Variants in MAGI2 observed in about 807,000 individuals in gnomAD.
MAGI2 encodes the protein membrane associated guanylate kinase, WW and PDZ domain containing 2.
Under a neutral mutation model 133.3 loss-of-function variants are expected in MAGI2, and 35 were observed. The ratio of observed to expected loss-of-function variants is 0.26; its 90% CI spans 0.20 to 0.35. The LOEUF (loss-of-function observed/expected upper bound fraction) is 0.35, where lower values mean the gene tolerates loss of function less well. Ranked by LOEUF, MAGI2 falls within the 10% of genes least tolerant of loss-of-function variation. The pLI is 1.00. For missense variants in MAGI2, 1,636 were observed against 1,863.4 expected, an observed-to-expected ratio of 0.88 and a Z score of 2.25; for synonymous variants, 729 against 710.6, an observed-to-expected ratio of 1.03 and a Z score of -0.41.
At chr7:79,289,485 TTAAG>T (rs1236127575) in intron 1 of MAGI2, among the ~76,000 whole-genome samples, 1 of 152,124 alleles carries the variant, frequency 6.6e-6, no homozygotes. Flanking sequence ...GTAAAATCAA[TTAAG>T]TAACAGATGA....
At chr7:78,581,467 T>C (rs536827171) in intron 3 of MAGI2, among the ~76,000 whole-genome samples, 2 of 152,314 alleles carry the variant, frequency 1.3e-5, no homozygotes, top group African/African-American at 4.8e-5. Flanking sequence ...GGTTAGAACT[T>C]TGACTGTAAA....
chr7:78,860,220 G>A (rs916019968), intron 2 of MAGI2, among the ~76,000 whole-genome samples: 2 of 152,112 alleles, frequency 1.3e-5, no homozygotes, highest in South Asian at 2.1e-4. Flanking sequence ...TGTTATTACC[G>A]ATCATCTGAA....
At chr7:78,298,329 T>TTAAG (rs1443307269) in intron 9 of MAGI2, among the ~76,000 whole-genome samples, 2 of 152,234 alleles carry the variant, frequency 1.3e-5, no homozygotes, top group Admixed American at 6.5e-5. Flanking sequence ...AAAAAGAACA[T>TTAAG]TAAGTAAAAA....
chr7:78,422,436 G>A (rs916274663), intron 6 of MAGI2, among the ~76,000 whole-genome samples: 1 of 152,058 alleles, frequency 6.6e-6, no homozygotes, highest in African/African-American at 2.4e-5. Context: ...CTACAAAACA[G>A]GCAAACACTT....
At chr7:78,907,679 G>A (rs910828734) in intron 2 of MAGI2, among the ~76,000 whole-genome samples, 3 of 151,990 alleles carry the variant, frequency 2.0e-5, no homozygotes, top group Non-Finnish European at 4.4e-5. Flanking sequence ...TAAAATCTAA[G>A]TATATTCATT....
rs1283006294 is a variant in MAGI2 at position 78,345,836 on chromosome 7, G to A, written c.1225+86C>T. On this transcript the variant is annotated intron_variant, in intron 8 of 21. Coordinates refer to ENST00000354212, the MANE Select transcript of MAGI2 (RefSeq NM_012301.4). ...GAAAGCAAATCAATTTTTCAAAATG[G>A]TCCAAGCTACAGACATATTTGGAAG... The A allele has an allele frequency of 3.9e-6, 6 of 1,555,416 alleles. No individual in the cohort carries two copies. The African/African-American group carries it at 6.9e-5, about 18-fold the overall frequency.
chr7:79,229,154 A>G (rs1183950329), intron 1 of MAGI2, among the ~76,000 whole-genome samples: 1 of 151,594 alleles, frequency 6.6e-6, no homozygotes, highest in Non-Finnish European at 1.5e-5. Flanking sequence ...AAAAAAAAAC[A>G]ACAACATAAG....
chr7:79,353,852 GCTTA>G (rs1454106452), intron 1 of MAGI2: 1 of 200,796 alleles, frequency 5.0e-6, no homozygotes, highest in Non-Finnish European at 1.0e-5. Context: ...TGGGAGCCCT[GCTTA>G]TGCTTCAGTG....
intron 1 of MAGI2, among the ~76,000 whole-genome samples, chr7:79,294,906 C>CT (rs1217785312): frequency 1.2e-3 from 165 of 140,362 alleles, no homozygotes; most frequent in East Asian, 5.8e-3. Context: ...AATTTTTGTA[C>CT]TTTTTTTTTT....
At chr7:78,117,036 A>G (rs1233693673) in intron 20 of MAGI2, among the ~76,000 whole-genome samples, 1 of 151,080 alleles carries the variant, frequency 6.6e-6, no homozygotes, top group African/African-American at 2.4e-5. Context: ...GTGAACTAAA[A>G]CTTTCACATG....
chr7:78,957,598 T>C (rs953465904), intron 2 of MAGI2, among the ~76,000 whole-genome samples: 4 of 152,138 alleles, frequency 2.6e-5, no homozygotes, highest in African/African-American at 7.2e-5. Flanking sequence ...CCAAAACCTG[T>C]TTGAAATGCT....
At chr7:79,147,665 C>T (rs1036457752) in intron 1 of MAGI2, among the ~76,000 whole-genome samples, 8 of 152,222 alleles carry the variant, frequency 5.3e-5, no homozygotes, top group Non-Finnish European at 1.2e-4. Flanking sequence ...CTCTCTCCTT[C>T]ACTTTCCCTC....
intron 1 of MAGI2, among the ~76,000 whole-genome samples, chr7:79,201,130 A>G (rs997310207): frequency 1.3e-5 from 2 of 152,008 alleles, no homozygotes; most frequent in Admixed American, 1.3e-4. Context: ...TATAATTGCC[A>G]TGTTTAAACA....
intron 6 of MAGI2, among the ~76,000 whole-genome samples, chr7:78,447,576 G>T (rs1788281930): frequency 6.6e-6 from 1 of 152,108 alleles, no homozygotes; most frequent in Admixed American, 6.6e-5. Flanking sequence ...TGGCTGGGAA[G>T]CATGTCAGTG....
At chr7:78,202,699 A>G (rs574878774) in intron 10 of MAGI2, among the ~76,000 whole-genome samples, 1 of 151,414 alleles carries the variant, frequency 6.6e-6, no homozygotes, top group East Asian at 1.9e-4. Flanking sequence ...AAAAAAAAAA[A>G]AAAAAAATTA....
intron 1 of MAGI2, among the ~76,000 whole-genome samples, chr7:79,260,220 G>A (rs1219015259): frequency 6.6e-6 from 1 of 152,046 alleles, no homozygotes; most frequent in East Asian, 1.9e-4. Flanking sequence ...GTCATGCATG[G>A]TGGCGCGCTC....
chr7:79,114,235 C>T (rs547768421), intron 1 of MAGI2, among the ~76,000 whole-genome samples: 10 of 152,276 alleles, frequency 6.6e-5, no homozygotes, highest in African/African-American at 2.2e-4. Context: ...CCTTCCTTGT[C>T]CTTCCTTATT....
At chr7:78,602,243 G>T (rs2627534) in intron 3 of MAGI2, among the ~76,000 whole-genome samples, 111,244 of 151,938 alleles carry the variant, frequency 0.73, 41,294 homozygotes, top group African/African-American at 0.78. Flanking sequence ...GACTGCAGCA[G>T]CTGCCTCCCG....
At chr7:78,998,343 A>G (rs1385652081) in intron 2 of MAGI2, among the ~76,000 whole-genome samples, 1 of 152,202 alleles carries the variant, frequency 6.6e-6, no homozygotes. Context: ...AAATACAGAA[A>G]AGTAAGCCAG....
Sources: allele counts gnomAD v4.1 joint callset (sites outside exome capture counted in the v4.1 genomes callset), GRCh38; gene constraint gnomAD v4.1.1; transcripts MANE v1.5; gene names NCBI Gene and HGNC (gene_info 2026-07-23, HGNC 2026-07-21).